CNOT4: variants seen among roughly 807,000 people sequenced by gnomAD.
CNOT4 encodes CCR4-associated factor 4.
In CNOT4, 8 loss-of-function variants were observed where a neutral mutation model predicts 73.8. The ratio of observed to expected loss-of-function variants is 0.11; its 90% CI spans 0.06 to 0.20. CNOT4 has a LOEUF of 0.20. Ranked by LOEUF, CNOT4 falls within the 10% of genes least tolerant of loss-of-function variation. The pLI is 1.00. For synonymous variants in CNOT4, 293 were observed against 321.1 expected, an observed-to-expected ratio of 0.91 and a Z score of 0.94; for missense variants, 564 against 883.4, an observed-to-expected ratio of 0.64 and a Z score of 4.58.
chr7:135,479,198 ATTTTTT>A (rs61487024), intron 1 of CNOT4, among the ~76,000 whole-genome samples: 2 of 89,872 alleles, frequency 2.2e-5, no homozygotes, highest in Admixed American at 1.2e-4. Context: ...TTAGAACCAA[ATTTTTT>A]TTTTTTTTTT....
chr7:135,361,890 A>G lies in CNOT4; in HGVS notation c.*995T>C, dbSNP rs2129482248. On this transcript the variant is annotated 3_prime_UTR_variant, in exon 12 of 12. Coordinates refer to ENST00000541284, the MANE Select transcript of CNOT4 (RefSeq NM_001190850.2). ...GTTTTTAGTTTTAGCGTCAGGTTAT[A>G]ACCAGGTTTCTGTTTTCTTTTCTCC... is the stretch of plus-strand genomic sequence containing the variant. 6.5e-6 allele frequency: 1 copy of G among 152,738 alleles called. No homozygotes were observed. The highest frequency in any genetic ancestry group is 2.4e-5 in the African/African-American group (1 of 41,560). The allele number at this position is 152,738 out of a possible 1,614,324, so 9.5% of individuals were successfully genotyped here.
At chr7:135,409,612 CCAAA>C (rs1797486818) in intron 7 of CNOT4, among the ~76,000 whole-genome samples, 1 of 151,900 alleles carries the variant, frequency 6.6e-6, no homozygotes, top group South Asian at 2.1e-4. Context: ...CATTTTAGCA[CCAAA>C]CAGACACTGG....
intron 1 of CNOT4, among the ~76,000 whole-genome samples, chr7:135,455,025 T>G (rs1190478012): frequency 6.6e-6 from 1 of 152,146 alleles, no homozygotes; most frequent in African/African-American, 2.4e-5. Context: ...TTTGGGAGGC[T>G]GAGGCAAGAG....
intron 1 of CNOT4, among the ~76,000 whole-genome samples, chr7:135,457,350 A>G (rs896326869): frequency 6.6e-5 from 10 of 152,094 alleles, no homozygotes; most frequent in Non-Finnish European, 1.5e-4. Flanking sequence ...ATGTTATTTG[A>G]GGTTTAATTT....
At chr7:135,371,204 A>C (rs1225117649) in intron 10 of CNOT4, among the ~76,000 whole-genome samples, 1 of 152,232 alleles carries the variant, frequency 6.6e-6, no homozygotes, top group Non-Finnish European at 1.5e-5. Flanking sequence ...ATGGAGTTAA[A>C]GTGTTGCAGT....
At chr7:135,509,697 T>A (rs570868682) in intron 1 of CNOT4, 192 bp downstream of exon 1, 1 of 214,010 alleles carries the variant, frequency 4.7e-6, no homozygotes, top group South Asian at 1.8e-4. Flanking sequence ...TTCCTTATGG[T>A]AACTGCTGTG....
At chr7:135,424,980 A>T (rs1417364088) in intron 2 of CNOT4, among the ~76,000 whole-genome samples, 2 of 152,236 alleles carry the variant, frequency 1.3e-5, no homozygotes, top group East Asian at 3.8e-4. Flanking sequence ...GAAAGTACAA[A>T]AACTGAGATA....
intron 1 of CNOT4, among the ~76,000 whole-genome samples, chr7:135,482,005 C>A (rs1802409778): frequency 6.6e-6 from 1 of 152,116 alleles, no homozygotes; most frequent in African/African-American, 2.4e-5. Flanking sequence ...GAAGAAATAA[C>A]TTCTAATGTT....
At chr7:135,391,622 T>C (rs1796406536) in intron 10 of CNOT4, among the ~76,000 whole-genome samples, 2 of 152,082 alleles carry the variant, frequency 1.3e-5, no homozygotes, top group African/African-American at 4.8e-5. Context: ...GGACCATAAT[T>C]TAATGTCACA....
At chr7:135,458,366 T>C (rs1218426739) in intron 1 of CNOT4, among the ~76,000 whole-genome samples, 4 of 152,110 alleles carry the variant, frequency 2.6e-5, no homozygotes, top group African/African-American at 9.7e-5. Flanking sequence ...GTGGAGGGTC[T>C]TGCCTTGATG....
At chr7:135,405,510 T>G (rs752045857) in intron 7 of CNOT4, among the ~76,000 whole-genome samples, 8 of 152,174 alleles carry the variant, frequency 5.3e-5, no homozygotes, top group Non-Finnish European at 8.8e-5. Flanking sequence ...AATAATAAAA[T>G]AGCCAGTCCT....
intron 7 of CNOT4, among the ~76,000 whole-genome samples, chr7:135,407,276 T>C (rs1180853227): frequency 1.3e-5 from 2 of 152,212 alleles, no homozygotes; most frequent in East Asian, 3.8e-4. Flanking sequence ...AGTATTTCTT[T>C]ATAGCAATGC....
chr7:135,367,023 A>G (rs978557265), intron 10 of CNOT4, among the ~76,000 whole-genome samples: 1 of 152,104 alleles, frequency 6.6e-6, no homozygotes, highest in African/African-American at 2.4e-5. Context: ...TTTGAACTAC[A>G]TAATTCTCTG....
chr7:135,486,586 T>C (rs563369324), intron 1 of CNOT4, among the ~76,000 whole-genome samples: 1 of 152,378 alleles, frequency 6.6e-6, no homozygotes, highest in Non-Finnish European at 1.5e-5. Context: ...ACTTATGTTA[T>C]ATGAAAACAT....
In CNOT4 at chr7:135,450,641, G is replaced by A. The variant is rs564586373; in HGVS notation, c.-92-12218C>T. On this transcript the variant is annotated intron_variant, in intron 1 of 11. Coordinates refer to ENST00000541284, the MANE Select transcript of CNOT4 (RefSeq NM_001190850.2). ...AGTGCTGTGATTACAGGCGTGAGCC[G>A]CTGTGCCCAGCTACAGTCAGAAATT... is the stretch of plus-strand genomic sequence containing the variant. 2.8e-3 allele frequency among the ~76,000 whole-genome samples: 423 copies of A among 152,234 alleles called. 4 individuals are homozygous for A. Among genetic ancestry groups the A allele is most frequent in the Middle Eastern group, 3.4e-3 (1 of 294 alleles).
At chr7:135,428,112 G>A (rs1798607656) in intron 2 of CNOT4, among the ~76,000 whole-genome samples, 1 of 152,176 alleles carries the variant, frequency 6.6e-6, no homozygotes, top group Non-Finnish European at 1.5e-5. Flanking sequence ...AAACCATCCT[G>A]GAGAAATTGT....
chr7:135,503,334 G>A (rs1374894673), intron 1 of CNOT4, among the ~76,000 whole-genome samples: 2 of 151,844 alleles, frequency 1.3e-5, no homozygotes, highest in East Asian at 1.9e-4. Flanking sequence ...GCATGGTCCT[G>A]TGCCTGTAGT....
chr7:135,499,200 T>C (rs1803799050), intron 1 of CNOT4, among the ~76,000 whole-genome samples: 1 of 152,210 alleles, frequency 6.6e-6, no homozygotes, highest in African/African-American at 2.4e-5. Context: ...ACGGAGAGAT[T>C]AAAACAAACA....
At chr7:135,437,199 CTTTTT>C (rs900716907) in intron 2 of CNOT4, among the ~76,000 whole-genome samples, 142 of 144,952 alleles carry the variant, frequency 9.8e-4, no homozygotes, top group African/African-American at 3.4e-3. Context: ...CTTTTCTTTT[CTTTTT>C]TTTGAGACGG....
Sources: allele counts gnomAD v4.1 joint callset (sites outside exome capture counted in the v4.1 genomes callset), GRCh38; gene constraint gnomAD v4.1.1; transcripts MANE v1.5; gene names NCBI Gene and HGNC (gene_info 2026-07-23, HGNC 2026-07-21).